The following ZNF341 variants were observed in gnomAD, a reference collection of about 807,000 sequenced individuals.
The protein encoded by ZNF341 is zinc finger protein 341.
A neutral mutation model predicts 87.7 loss-of-function variants in ZNF341; 52 were observed. That is an observed-to-expected ratio of 0.59 (90% confidence interval 0.47 to 0.75). The LOEUF is 0.75. Ranked by LOEUF, ZNF341 falls within the 30% of genes least tolerant of loss-of-function variation. The pLI is 0.00. For missense variants in ZNF341, 977 were observed against 1,145.9 expected, an observed-to-expected ratio of 0.85 and a Z score of 2.13; for synonymous variants, 459 against 472.7, an observed-to-expected ratio of 0.97 and a Z score of 0.38.
At chr20:33,787,064 A>G (rs1049888266) in intron 12 of ZNF341, 1 of 152,096 alleles carries the variant, frequency 6.6e-6, no homozygotes, top group African/African-American at 2.4e-5. Context: ...ACAATATAGG[A>G]GTACATAAAG....
chr20:33,745,046 T>C (rs573780401), intron 2 of ZNF341, 57 bp from the exon 3 acceptor site: 361 of 1,523,774 alleles, frequency 2.4e-4, no homozygotes, highest in South Asian at 1.1e-3. Flanking sequence ...TGCTTTTTTT[T>C]CATTACTTTA....
intron 1 of ZNF341, among the ~76,000 whole-genome samples, chr20:33,735,967 T>A (rs927266074): frequency 9.2e-5 from 14 of 152,072 alleles, no homozygotes; most frequent in Middle Eastern, 3.4e-3. Flanking sequence ...CCCGTCATAA[T>A]TCCCTAGTGA....
chr20:33,788,741 T>C (rs1430717555), intron 12 of ZNF341, 122 bp from the exon 13 acceptor site: 7 of 752,254 alleles, frequency 9.3e-6, no homozygotes, highest in Non-Finnish European at 2.4e-6. Context: ...TGAGAGAGGC[T>C]ATTTTCTCCC....
intron 3 of ZNF341, among the ~76,000 whole-genome samples, chr20:33,747,257 A>G (rs1445281890): frequency 6.6e-6 from 1 of 152,114 alleles, no homozygotes; most frequent in East Asian, 1.9e-4. Context: ...TTCTGCCATC[A>G]CTATGAAAGC....
rs370061938 is a variant in ZNF341, at chr20:33,770,084, G to T, written c.1414G>T (p.Val472Leu). 6.2e-7 allele frequency: 1 copy of T among 1,612,510 alleles called. No individual in the cohort carries two copies. Reference protein sequence around the residue: ...SHMTQHKNEQVYKCVVKSCAQ... With the variant: ...SHMTQHKNEQLYKCVVKSCAQ... ...CACCTGCCCAGCGTCTTCCCTCAAG[G>T]TGTACAAGTGTGTGGTCAAAAGCTG... Residue 472 changes from valine (V) to leucine (L), a missense_variant and splice_region_variant, in exon 10 of 15, where the codon GTG becomes TTG. Physicochemically the swap from Val to Leu is conservative, Grantham distance 32. Around this residue, in one of 3 missense-constraint regions of ZNF341, gnomAD observed 241 missense variants for 335.0 expected, o/e 0.72. Transcript: ENST00000375200.
At chr20:33,748,855 C>A in intron 3 of ZNF341, 68 bp from the exon 4 acceptor site, 2 of 1,485,432 alleles carry the variant, frequency 1.3e-6, no homozygotes, top group Non-Finnish European at 1.8e-6. Flanking sequence ...CATGCACACA[C>A]GCACACATGA....
rs749543612 is a variant in ZNF341 at position 33,745,321 on chromosome 20, C to T, written c.339+22C>T. The T allele has an allele frequency of 1.4e-5, 22 of 1,603,428 alleles. No homozygotes were observed. The South Asian group carries it at 2.2e-4, about 16-fold the overall frequency. On this transcript the variant is annotated intron_variant, in intron 3 of 14. Coordinates refer to ENST00000375200, the MANE Select transcript of ZNF341 (RefSeq NM_001282933.2). Reference sequence around the variant, plus strand: ...CCAGGTATTTGTTCATTTATTCATTCAACATGTCTTTTTTGAGGGCCTAAC... The same window carrying T: ...CCAGGTATTTGTTCATTTATTCATTTAACATGTCTTTTTTGAGGGCCTAAC...
chr20:33,789,664 A>G (rs904768604), intron 14 of ZNF341, 76 bp downstream of exon 14: 157 of 1,499,498 alleles, frequency 1.0e-4, no homozygotes, highest in Non-Finnish European at 1.4e-4. Flanking sequence ...AGGAAGAGAA[A>G]GAGCAGACAT....
chr20:33,784,690 CT>C lies in ZNF341; in HGVS notation c.1852+827del, dbSNP rs553306900. The stretch of plus-strand genomic sequence containing the variant: ...GAGTGCGGTGGCAGATCTTGGCTCA[CT>C]GCAACCTCTGCCTCCCGGGTTCAAG... On this transcript the variant is annotated intron_variant, in intron 12 of 14. Coordinates refer to ENST00000375200, the MANE Select transcript of ZNF341 (RefSeq NM_001282933.2). 1.6e-3 allele frequency among the ~76,000 whole-genome samples: 248 copies of C among 151,638 alleles called. 2 individuals carry two copies. The highest frequency in any genetic ancestry group is 5.8e-3 in the African/African-American group (238 of 41,316).
chr20:33,766,721 T>G (rs910245639), intron 8 of ZNF341, 130 bp from the exon 9 acceptor site: 8 of 958,406 alleles, frequency 8.3e-6, no homozygotes, highest in East Asian at 2.4e-5. Context: ...TGCAGCACCT[T>G]AAGCACAGAG....
chr20:33,753,531 A>G, intron 5 of ZNF341, 108 bp downstream of exon 5: 2 of 1,404,190 alleles, frequency 1.4e-6, no homozygotes. Context: ...TGGGGATACC[A>G]TGAAAACCAG....
rs2018824943 is a variant in ZNF341 at position 33,742,604 on chromosome 20, C to T, written c.142+1592C>T. Among the ~76,000 whole-genome samples, 6 of 151,728 alleles carry T rather than the reference C, an allele frequency of 4.0e-5. No homozygotes were observed. In the South Asian group the frequency reaches 1.2e-3, roughly 32 times the overall value. ...GTGCAGAGATTACAGGCGTGAACCA[C>T]CATGCCTGGCCAAAAAACTTCTCTT... On this transcript the variant is annotated intron_variant, in intron 2 of 14. Coordinates refer to ENST00000375200, the MANE Select transcript of ZNF341 (RefSeq NM_001282933.2).
chr20:33,781,098 C>A (rs1007464871), intron 10 of ZNF341, among the ~76,000 whole-genome samples, 193 bp from the exon 11 acceptor site: 4 of 152,102 alleles, frequency 2.6e-5, no homozygotes, highest in Admixed American at 2.0e-4. Context: ...AGCGAGGAGG[C>A]TACTGCACAA....
At chr20:33,733,984 G>A (rs1749744738) in intron 1 of ZNF341, among the ~76,000 whole-genome samples, 1 of 152,256 alleles carries the variant, frequency 6.6e-6, no homozygotes, top group South Asian at 2.1e-4. Flanking sequence ...ATAGAATGGG[G>A]TGAGGCTTAC....
At chr20:33,756,714 A>C (rs146241890) in intron 5 of ZNF341, among the ~76,000 whole-genome samples, 1 of 152,168 alleles carries the variant, frequency 6.6e-6, no homozygotes, top group Middle Eastern at 3.2e-3. Flanking sequence ...AAGAATAGAC[A>C]GGGCAAATAA....
chr20:33,739,324 A>G (rs1483215112), intron 1 of ZNF341, among the ~76,000 whole-genome samples: 1 of 152,198 alleles, frequency 6.6e-6, no homozygotes, highest in African/African-American at 2.4e-5. Flanking sequence ...TGGGGAAGAC[A>G]TCCCAGTAAA....
chr20:33,749,182 T>C (rs1465777982), intron 4 of ZNF341, 110 bp downstream of exon 4: 1 of 1,396,878 alleles, frequency 7.2e-7, no homozygotes, highest in Non-Finnish European at 9.6e-7. Flanking sequence ...CTCTCCCTGA[T>C]GCTGAGGGAG....
intron 5 of ZNF341, 59 bp downstream of exon 5, chr20:33,753,482 G>A: frequency 6.7e-7 from 1 of 1,481,772 alleles, no homozygotes; most frequent in Non-Finnish European, 8.9e-7. Context: ...GGCCAACCCG[G>A]ACCCATCCTG....
chr20:33,770,334 GT>G, intron 10 of ZNF341, 42 bp downstream of exon 10: 1 of 1,426,552 alleles, frequency 7.0e-7, no homozygotes, highest in Admixed American at 1.7e-5. Flanking sequence ...GGACGGGTGG[GT>G]GGGCAGGGAG....
Sources: allele counts gnomAD v4.1 joint callset (sites outside exome capture counted in the v4.1 genomes callset), GRCh38; gene constraint gnomAD v4.1.1; regional missense constraint gnomAD v4.1.1; transcripts MANE v1.5; gene names NCBI Gene and HGNC (gene_info 2026-07-23, HGNC 2026-07-21).